DNM1L: variants seen among roughly 807,000 people sequenced by gnomAD.
DNM1L encodes the protein dynamin-1-like protein.
Under a neutral mutation model 92.8 loss-of-function variants are expected in DNM1L, and 33 were observed. The observed-to-expected ratio is 0.36, with a 90% confidence interval of 0.27 to 0.48. The LOEUF (loss-of-function observed/expected upper bound fraction) is 0.48. Ranked by LOEUF, DNM1L falls within the 20% of genes least tolerant of loss-of-function variation. The probability of loss-of-function intolerance (pLI) is 0.99; values close to 1 mark genes in which losing one functional copy is unlikely to be tolerated. For missense variants in DNM1L, 485 were observed against 888.8 expected (o/e 0.55, Z 5.78); for synonymous variants, 284 against 305.0 (o/e 0.93, Z 0.72).
At chr12:32,707,229 T>G in intron 2 of DNM1L, 138 bp from the exon 3 acceptor site, 1 of 627,110 alleles carries the variant, frequency 1.6e-6, no homozygotes, top group South Asian at 2.3e-5. Flanking sequence ...TAGCAGACCT[T>G]AAAATACTTG....
intron 1 of DNM1L, among the ~76,000 whole-genome samples, chr12:32,690,188 A>T (rs1378895732): frequency 6.6e-6 from 1 of 152,212 alleles, no homozygotes; most frequent in African/African-American, 2.4e-5. Context: ...ATAGTAGTGA[A>T]TCTAGATGAG....
intron 6 of DNM1L, among the ~76,000 whole-genome samples, chr12:32,714,535 G>T (rs1953277065): frequency 6.6e-6 from 1 of 151,954 alleles, no homozygotes; most frequent in Non-Finnish European, 1.5e-5. Flanking sequence ...GCCTCCCAGA[G>T]TGCTGGGATT....
intron 7 of DNM1L, among the ~76,000 whole-genome samples, 197 bp from the exon 8 acceptor site, chr12:32,720,466 TG>T (rs546108393): frequency 1.5e-3 from 225 of 152,328 alleles, no homozygotes; most frequent in Admixed American, 3.3e-3. Context: ...GTGTGTGACC[TG>T]GGGTAAGTTA....
Position 32,743,825 on chromosome 12 carries a change from A to C in DNM1L, c.*415A>C, listed in dbSNP as rs979711260. 1 of 204,594 alleles carries C rather than the reference A, an allele frequency of 4.9e-6. No individual in the cohort carries two copies. Among genetic ancestry groups the C allele is most frequent in the Non-Finnish European group, 1.0e-5 (1 of 99,408 alleles). The allele number at this position is 204,594 out of a possible 1,614,324, so 12.7% of individuals were successfully genotyped here. Reference sequence around the variant, plus strand: ...ACAACATTTCATATGACTATAATGCATGTACTATATAAGCTGATCTGGCTT... The same window carrying C: ...ACAACATTTCATATGACTATAATGCCTGTACTATATAAGCTGATCTGGCTT... On this transcript the variant is annotated 3_prime_UTR_variant, in exon 20 of 20. Coordinates refer to ENST00000549701, the MANE Select transcript of DNM1L (RefSeq NM_012062.5).
intron 1 of DNM1L, among the ~76,000 whole-genome samples, chr12:32,681,184 G>A (rs917083432): frequency 2.6e-5 from 4 of 152,150 alleles, no homozygotes; most frequent in African/African-American, 9.7e-5. Context: ...ATATTTGCAT[G>A]TTGGTGTTTG....
chr12:32,741,564 C>T (rs1035932587), intron 18 of DNM1L, among the ~76,000 whole-genome samples: 2 of 152,168 alleles, frequency 1.3e-5, no homozygotes, highest in African/African-American at 4.8e-5. Context: ...GGATTATAGG[C>T]GTGAGCCACT....
At chr12:32,720,844 G>C in intron 8 of DNM1L, 49 bp downstream of exon 8, 1 of 1,607,816 alleles carries the variant, frequency 6.2e-7, no homozygotes, top group South Asian at 1.1e-5. Flanking sequence ...TTTACCAATT[G>C]GTGTCTGAGA....
intron 2 of DNM1L, among the ~76,000 whole-genome samples, chr12:32,702,719 G>GT (rs1222918445): frequency 6.6e-6 from 1 of 151,956 alleles, no homozygotes; most frequent in African/African-American, 2.4e-5. Context: ...AACCTCATGA[G>GT]CATCTGCTAT....
chr12:32,681,143 A>G (rs150704794), intron 1 of DNM1L, among the ~76,000 whole-genome samples: 259 of 152,364 alleles, frequency 1.7e-3, no homozygotes, highest in African/African-American at 5.9e-3. Context: ...AACATGTGCA[A>G]AAACCATCCT....
In DNM1L at chr12:32,720,945, C is replaced by G. The variant is rs1953774328; in HGVS notation, c.872+150C>G. On this transcript the variant is annotated intron_variant, in intron 8 of 19. Coordinates refer to ENST00000549701, the MANE Select transcript of DNM1L (RefSeq NM_012062.5). ...TAGTAGGTTCCTGAAGAGTAGATGTCTCTGTTTTTATTGGGGTGGTTGACA... is the reference window on the plus strand; with the variant it reads ...TAGTAGGTTCCTGAAGAGTAGATGTGTCTGTTTTTATTGGGGTGGTTGACA... 4.2e-6 allele frequency: 4 copies of G among 953,042 alleles called. No individual in the cohort carries two copies. The South Asian group carries it at 6.2e-5, about 15-fold the overall frequency. 59.0% of individuals were successfully genotyped at this position (953,042 alleles called of 1,614,324 possible).
chr12:32,715,342 CTT>C (rs1953313873), intron 6 of DNM1L, among the ~76,000 whole-genome samples: 1 of 151,834 alleles, frequency 6.6e-6, no homozygotes, highest in Non-Finnish European at 1.5e-5. Context: ...TTAGAAACAA[CTT>C]AATATGGCCA....
intron 8 of DNM1L, among the ~76,000 whole-genome samples, chr12:32,721,966 G>T (rs189142158): frequency 9.7e-4 from 147 of 152,312 alleles, no homozygotes; most frequent in African/African-American, 3.4e-3. Context: ...CTGGGCATGT[G>T]GGAAGGAATG....
At position 32,679,306 on chromosome 12, in the gene DNM1L, C is replaced by T. The variant is rs774908821; in HGVS notation, c.-58C>T. 4.9e-6 allele frequency: 6 copies of T among 1,229,820 alleles called. No homozygotes were observed. Among genetic ancestry groups the T allele is most frequent in the Admixed American group, 3.6e-5 (2 of 55,076 alleles). 76.2% of individuals were successfully genotyped at this position (1,229,820 alleles called of 1,614,324 possible). On this transcript the variant is annotated 5_prime_UTR_variant, in exon 1 of 20. Coordinates refer to ENST00000549701, the MANE Select transcript of DNM1L (RefSeq NM_012062.5). ...GAGGAGGAAGGAGGCGAACTGTGGG[C>T]CCCGGCCCCATTCATTGCCGTGGCC...
intron 1 of DNM1L, among the ~76,000 whole-genome samples, chr12:32,697,332 A>G (rs1433103991): frequency 6.6e-6 from 1 of 152,238 alleles, no homozygotes; most frequent in East Asian, 1.9e-4. Flanking sequence ...TGTCAGAATC[A>G]GAATGACTAG....
intron 9 of DNM1L, chr12:32,726,816 GA>G: frequency 1.6e-6 from 1 of 622,200 alleles, no homozygotes; most frequent in Non-Finnish European, 2.9e-6. Flanking sequence ...TCCATCAAAG[GA>G]AAAGTGATCA....
chr12:32,702,977 C>CACTA (rs142546982), intron 2 of DNM1L, among the ~76,000 whole-genome samples: 23,279 of 151,764 alleles, frequency 0.15, 1,874 homozygotes, highest in Middle Eastern at 0.21. Flanking sequence ...ATTTCATCCC[C>CACTA]ACTGATTTCA....
chr12:32,712,640 A>G (rs1953173730), intron 5 of DNM1L, among the ~76,000 whole-genome samples: 1 of 106,960 alleles, frequency 9.3e-6, no homozygotes, highest in South Asian at 3.5e-4. Flanking sequence ...ATAGAGTGAG[A>G]CCCTGTCTCA....
At chr12:32,717,090 A>G (rs1363273697) in intron 6 of DNM1L, among the ~76,000 whole-genome samples, 1 of 129,666 alleles carries the variant, frequency 7.7e-6, no homozygotes, top group African/African-American at 2.9e-5. Context: ...TATATATTTT[A>G]TATATATATT....
intron 2 of DNM1L, among the ~76,000 whole-genome samples, chr12:32,703,744 T>C (rs1952807326): frequency 6.6e-6 from 1 of 152,134 alleles, no homozygotes; most frequent in Non-Finnish European, 1.5e-5. Flanking sequence ...CATTCTAAGA[T>C]GACATGGAGA....
Sources: allele counts gnomAD v4.1 joint callset (sites outside exome capture counted in the v4.1 genomes callset), GRCh38; gene constraint gnomAD v4.1.1; transcripts MANE v1.5; gene names NCBI Gene and HGNC (gene_info 2026-07-23, HGNC 2026-07-21).